BRAF: variants seen among roughly 807,000 people sequenced by gnomAD.
BRAF encodes the protein serine/threonine-protein kinase B-raf.
Under a neutral mutation model 104.6 loss-of-function variants are expected in BRAF, and 16 were observed. The observed-to-expected ratio is 0.15, with a 90% CI of 0.10 to 0.23. The LOEUF (loss-of-function observed/expected upper bound fraction) is 0.23. Ranked by LOEUF, BRAF falls within the 10% of genes least tolerant of loss-of-function variation. BRAF has a pLI of 1.00. For synonymous variants in BRAF, 310 were observed against 341.6 expected (o/e 0.91, Z 1.02); for missense variants, 541 against 937.3 (o/e 0.58, Z 5.52).
downstream of BRAF, among the ~76,000 whole-genome samples, chr7:140,717,858 ACT>A (rs1795169329): frequency 6.6e-6 from 1 of 152,108 alleles, no homozygotes; most frequent in Non-Finnish European, 1.5e-5. Flanking sequence ...GAAGAGAAAA[ACT>A]GCAGTTCATA....
In BRAF at chr7:140,724,931, C is replaced by G; in HGVS notation, c.*1563G>C. On this transcript the variant is annotated 3_prime_UTR_variant, in exon 20 of 20. Transcript: ENST00000644969. ...TAATAAAGGCCAAAGGAAGCTATAA[C>G]TAGGTTATATTTTCCATTTGTGCAA... 1 of 1,040,936 alleles carries G rather than the reference C, an allele frequency of 9.6e-7. No individual in the cohort carries two copies. Among genetic ancestry groups the G allele is most frequent in the Non-Finnish European group, 1.2e-6 (1 of 863,928 alleles). 64.5% of individuals were successfully genotyped at this position (1,040,936 alleles called of 1,614,324 possible).
intron 3 of BRAF, among the ~76,000 whole-genome samples, chr7:140,813,490 A>C (rs1441342833): frequency 6.6e-6 from 1 of 152,148 alleles, no homozygotes; most frequent in African/African-American, 2.4e-5. Context: ...TTTCTCTTTG[A>C]CCTAGTCAAG....
In BRAF at chr7:140,800,451, G is replaced by A; in HGVS notation, c.891C>T (p.His297=). The A allele has an allele frequency of 6.2e-7, 1 of 1,614,106 alleles. No individual in the cohort carries two copies. Among genetic ancestry groups the A allele is most frequent in the Non-Finnish European group, 8.5e-7 (1 of 1,180,020 alleles). Residue 297 remains histidine, a synonymous_variant, in exon 7 of 20, where the codon CAC becomes CAT. Transcript: ENST00000644969. ...DLLFVSKFFE[H]HPIPQEEASL... ...ACGCCTCTTCCTGTGGTATTGGGTG[G>A]TGTTCAAAGAACTTGGAGACAAACA... is the stretch of plus-strand genomic sequence containing the variant.
At chr7:140,858,085 C>A (rs970925448) in intron 1 of BRAF, among the ~76,000 whole-genome samples, 3 of 152,052 alleles carry the variant, frequency 2.0e-5, no homozygotes, top group Non-Finnish European at 4.4e-5. Flanking sequence ...AGGAAAGGAT[C>A]AAATGATGCT....
At chr7:140,891,583 G>A (rs1005502829) in intron 1 of BRAF, among the ~76,000 whole-genome samples, 1 of 152,106 alleles carries the variant, frequency 6.6e-6, no homozygotes, top group Non-Finnish European at 1.5e-5. Context: ...CAGATATGGA[G>A]GGCCACTGTA....
At chr7:140,756,992 C>G (rs1249163203) in intron 14 of BRAF, among the ~76,000 whole-genome samples, 2 of 152,096 alleles carry the variant, frequency 1.3e-5, no homozygotes, top group African/African-American at 4.8e-5. Flanking sequence ...CGGATCTAAC[C>G]AACACAAACT....
intron 7 of BRAF, among the ~76,000 whole-genome samples, chr7:140,796,570 T>A (rs1198361937): frequency 1.3e-5 from 2 of 152,132 alleles, no homozygotes; most frequent in Non-Finnish European, 2.9e-5. Context: ...CCAGATTTAA[T>A]CTAAGACACT....
rs1795581793 is a variant in BRAF, at chr7:140,726,065, G to A, written c.*429C>T. On this transcript the variant is annotated 3_prime_UTR_variant, in exon 20 of 20. Coordinates refer to ENST00000644969, the MANE Select transcript of BRAF (RefSeq NM_001374258.1). The stretch of plus-strand genomic sequence containing the variant: ...AAAATTCCAGAACAGGAAAGAGAAC[G>A]ATGCTTGGTGATTGAAACTGCCCCA... 1.0e-5 allele frequency: 11 copies of A among 1,076,992 alleles called. No individual in the cohort carries two copies. The highest frequency in any genetic ancestry group is 1.2e-5 in the Non-Finnish European group (11 of 887,382). The allele number at this position is 1,076,992 out of a possible 1,614,324, so 66.7% of individuals were successfully genotyped here. A position where few individuals can be genotyped will look rare whatever the true frequency, so the allele number is the denominator to read the frequency against.
intron 1 of BRAF, among the ~76,000 whole-genome samples, chr7:140,875,496 C>A (rs1470916496): frequency 6.6e-6 from 1 of 152,224 alleles, no homozygotes; most frequent in African/African-American, 2.4e-5. Flanking sequence ...CTGCCTCAGC[C>A]TTCCTAGAAG....
intron 1 of BRAF, among the ~76,000 whole-genome samples, chr7:140,884,637 G>A (rs1035864410): frequency 1.3e-4 from 19 of 151,784 alleles, no homozygotes; most frequent in South Asian, 4.2e-4. Context: ...ACACCATCAC[G>A]TCTGGCTAAT....
At chr7:140,864,275 A>C (rs1017328998) in intron 1 of BRAF, among the ~76,000 whole-genome samples, 1 of 152,216 alleles carries the variant, frequency 6.6e-6, no homozygotes, top group Non-Finnish European at 1.5e-5. Context: ...AGGTGAAAAC[A>C]GTGGAGATAG....
At chr7:140,888,606 C>T (rs958065084) in intron 1 of BRAF, among the ~76,000 whole-genome samples, 12 of 152,070 alleles carry the variant, frequency 7.9e-5, no homozygotes, top group Admixed American at 1.3e-4. Flanking sequence ...GAAGCTGAGG[C>T]GGGCAGATCA....
At position 140,726,544 on chromosome 7, in the gene BRAF, TAA is replaced by T. The variant is rs1316510789; in HGVS notation, c.2402-30_2402-29del. The T allele has an allele frequency of 2.0e-6, 3 of 1,513,858 alleles. No individual in the cohort carries two copies. The East Asian group carries it at 7.3e-5, about 37-fold the overall frequency. The allele number at this position is 1,513,858 out of a possible 1,614,324, so 93.8% of individuals were successfully genotyped here. On this transcript the variant is annotated intron_variant, in intron 19 of 19. Transcript: ENST00000644969. The stretch of plus-strand genomic sequence containing the variant: ...GTAGAGGGAGGACAAGAGCTAATTT[TAA>T]AAAAGTCATCTCAAATAACCTAGAG...
chr7:140,746,238 A>C (rs1797337816), intron 17 of BRAF, among the ~76,000 whole-genome samples: 1 of 152,216 alleles, frequency 6.6e-6, no homozygotes, highest in Non-Finnish European at 1.5e-5. Context: ...TTCTACTCCA[A>C]GGAACGAAAG....
In BRAF at chr7:140,880,189, C is replaced by T. The variant is rs185076401; in HGVS notation, c.139-29977G>A. Reference sequence around the variant, plus strand: ...GTCAGTCCTCTCAAATCTGCCAGTGCTTCATCAACTAATTTTATGTAAAAT... The same window carrying T: ...GTCAGTCCTCTCAAATCTGCCAGTGTTTCATCAACTAATTTTATGTAAAAT... On this transcript the variant is annotated intron_variant, in intron 1 of 19. Transcript: ENST00000644969. Among the ~76,000 whole-genome samples, 23 of 152,308 alleles carry T rather than the reference C, an allele frequency of 1.5e-4. No individual in the cohort carries two copies. The East Asian group carries it at 4.2e-3, about 28-fold the overall frequency.
intron 3 of BRAF, among the ~76,000 whole-genome samples, chr7:140,829,199 TGG>T (rs36014891): frequency 6.8e-6 from 1 of 145,990 alleles, no homozygotes; most frequent in Admixed American, 6.9e-5. Context: ...TTTTTTTTTG[TGG>T]GGGGGGGCAT....
chr7:140,829,921 T>C lies in BRAF; in HGVS notation c.504+4688A>G, dbSNP rs951331207. 3.3e-5 allele frequency among the ~76,000 whole-genome samples: 5 copies of C among 152,316 alleles called. No individual in the cohort carries two copies. The East Asian group carries it at 7.7e-4, about 23-fold the overall frequency. On this transcript the variant is annotated intron_variant, in intron 3 of 19. Coordinates refer to ENST00000644969, the MANE Select transcript of BRAF (RefSeq NM_001374258.1). ...TGTTTGCTTCTTTATTAAACAGAAG[T>C]TGGAACTTTTGCTCTCTCCATGTCT...
At chr7:140,750,403 G>A (rs979601698) in intron 16 of BRAF, among the ~76,000 whole-genome samples, 2 of 152,082 alleles carry the variant, frequency 1.3e-5, no homozygotes, top group Admixed American at 6.6e-5. Context: ...AGAATGACCC[G>A]CGGAGCCTTA....
intron 1 of BRAF, among the ~76,000 whole-genome samples, chr7:140,867,528 TAAAAAA>T (rs59966444): frequency 7.0e-6 from 1 of 143,458 alleles, no homozygotes; most frequent in Non-Finnish European, 1.5e-5. Flanking sequence ...AGATAAACGC[TAAAAAA>T]AAAAACAGAC....
Sources: allele counts gnomAD v4.1 joint callset (sites outside exome capture counted in the v4.1 genomes callset), GRCh38; gene constraint gnomAD v4.1.1; transcripts MANE v1.5; gene names NCBI Gene and HGNC (gene_info 2026-07-23, HGNC 2026-07-21).